MEOX2: variants seen among roughly 807,000 people sequenced by gnomAD.
MEOX2 encodes mesenchyme homeobox 2, also known as homeobox protein MOX-2.
MEOX2 carries 11 observed loss-of-function variants against 27.0 expected under a neutral mutation model. The observed-to-expected ratio is 0.41, with a 90% CI of 0.26 to 0.68. The LOEUF (loss-of-function observed/expected upper bound fraction) is 0.68, where lower values mean the gene tolerates loss of function less well. Among genes scored for constraint, MEOX2 ranks in the 30% least tolerant of loss-of-function variants. The pLI, the probability that MEOX2 is intolerant of heterozygous loss-of-function variation, is 0.33. For missense variants in MEOX2, 436 were observed against 385.4 expected, an observed-to-expected ratio of 1.13 and a Z score of -1.10; for synonymous variants, 189 against 155.4, an observed-to-expected ratio of 1.22 and a Z score of -1.61.
At chr7:15,679,011 T>C (rs1024638290) in intron 1 of MEOX2, 7 of 152,206 alleles carry the variant, frequency 4.6e-5, no homozygotes, top group African/African-American at 1.2e-4. Flanking sequence ...ATAACTATCA[T>C]TGATTGCCAG....
intron 1 of MEOX2, among the ~76,000 whole-genome samples, chr7:15,664,662 C>T (rs1196616713): frequency 6.6e-6 from 1 of 152,104 alleles, no homozygotes; most frequent in Non-Finnish European, 1.5e-5. Context: ...CACAACCCTC[C>T]AGCTATAATT....
chr7:15,655,939 G>A (rs1040907077), intron 1 of MEOX2, among the ~76,000 whole-genome samples: 2 of 151,688 alleles, frequency 1.3e-5, no homozygotes, highest in African/African-American at 4.8e-5. Context: ...TCGATTGAGA[G>A]AGGGATATTA....
At chr7:15,614,118 T>A (rs114077391) in intron 2 of MEOX2, among the ~76,000 whole-genome samples, 9,311 of 151,266 alleles carry the variant, frequency 0.062, 345 homozygotes, top group Non-Finnish European at 0.07. Flanking sequence ...CTGAAGCCAG[T>A]AAGATATTCT....
At chr7:15,674,556 CTGTG>C (rs55995772) in intron 1 of MEOX2, among the ~76,000 whole-genome samples, 101 of 135,624 alleles carry the variant, frequency 7.4e-4, no homozygotes, top group Middle Eastern at 6.9e-3. Flanking sequence ...ATAAAAGATT[CTGTG>C]TGTGTGTGTG....
chr7:15,676,234 C>T (rs557876303), intron 1 of MEOX2: 3 of 152,182 alleles, frequency 2.0e-5, no homozygotes, highest in African/African-American at 7.2e-5. Context: ...TGTGAACAAA[C>T]AAATAATTAA....
intron 1 of MEOX2, among the ~76,000 whole-genome samples, chr7:15,672,801 A>G (rs1325217942): frequency 2.0e-5 from 3 of 152,012 alleles, no homozygotes; most frequent in Non-Finnish European, 4.4e-5. Context: ...CTGAGGCAGG[A>G]GAATTGCTTT....
intron 1 of MEOX2, among the ~76,000 whole-genome samples, chr7:15,638,642 TC>T (rs1426738975): frequency 6.6e-6 from 1 of 152,012 alleles, no homozygotes; most frequent in Non-Finnish European, 1.5e-5. Context: ...CTTCTCTCTC[TC>T]CCCTTTTGGA....
intron 1 of MEOX2, among the ~76,000 whole-genome samples, chr7:15,646,550 T>G (rs1197232115): frequency 6.6e-6 from 1 of 152,062 alleles, no homozygotes; most frequent in Non-Finnish European, 1.5e-5. Context: ...AAATATTAGT[T>G]GTTTGATTAT....
chr7:15,645,115 G>T (rs1434669131), intron 1 of MEOX2, among the ~76,000 whole-genome samples: 1 of 152,184 alleles, frequency 6.6e-6, no homozygotes, highest in Non-Finnish European at 1.5e-5. Context: ...TCAATGACTA[G>T]ACAGCAGTAT....
chr7:15,671,223 C>T (rs1562613826), intron 1 of MEOX2, among the ~76,000 whole-genome samples: 1 of 152,050 alleles, frequency 6.6e-6, no homozygotes. Flanking sequence ...TCCAATGTAA[C>T]ATCAGTGTTG....
At chr7:15,685,757 G>A (rs943825561) in intron 1 of MEOX2, 129 bp downstream of exon 1, 6 of 1,329,238 alleles carry the variant, frequency 4.5e-6, no homozygotes, top group Middle Eastern at 2.7e-4. Context: ...TTGGCCGCAG[G>A]AAGCCACAGA....
At chr7:15,620,999 G>A (rs769774245) in intron 2 of MEOX2, among the ~76,000 whole-genome samples, 5 of 151,996 alleles carry the variant, frequency 3.3e-5, no homozygotes, top group Non-Finnish European at 5.9e-5. Context: ...GCTTTCTCTC[G>A]TCTTCCCACT....
chr7:15,619,118 A>T (rs907723495), intron 2 of MEOX2, among the ~76,000 whole-genome samples: 1 of 152,038 alleles, frequency 6.6e-6, no homozygotes, highest in Non-Finnish European at 1.5e-5. Flanking sequence ...CACAGAACAT[A>T]TGTATGTACT....
chr7:15,621,145 C>T (rs1342216466), intron 2 of MEOX2, among the ~76,000 whole-genome samples: 2 of 152,144 alleles, frequency 1.3e-5, no homozygotes, highest in Non-Finnish European at 2.9e-5. Context: ...GCAAATCATT[C>T]GGGGTGACTC....
At chr7:15,617,428 A>G (rs558635596) in intron 2 of MEOX2, among the ~76,000 whole-genome samples, 3 of 152,196 alleles carry the variant, frequency 2.0e-5, no homozygotes, top group Admixed American at 2.0e-4. Flanking sequence ...TCCAAAGACT[A>G]GCCTAAGTAA....
intron 1 of MEOX2, among the ~76,000 whole-genome samples, chr7:15,653,926 G>A (rs1781780062): frequency 6.6e-6 from 1 of 151,854 alleles, no homozygotes; most frequent in South Asian, 2.1e-4. Context: ...ATACATTTTA[G>A]AAAATCCCAT....
intron 1 of MEOX2, chr7:15,680,066 T>G (rs748434792): frequency 3.3e-5 from 5 of 151,966 alleles, no homozygotes; most frequent in African/African-American, 9.6e-5. Context: ...ATTCCGGAAA[T>G]TATATATCAA....
intron 1 of MEOX2, among the ~76,000 whole-genome samples, chr7:15,629,390 G>A (rs1781364347): frequency 6.6e-6 from 1 of 152,200 alleles, no homozygotes; most frequent in South Asian, 2.1e-4. Flanking sequence ...AAATCTGGCT[G>A]TAGTTCAATA....
At chr7:15,635,053 TTTAA>T (rs1781459904) in intron 1 of MEOX2, among the ~76,000 whole-genome samples, 1 of 152,018 alleles carries the variant, frequency 6.6e-6, no homozygotes, top group Non-Finnish European at 1.5e-5. Context: ...ATCCATATCA[TTTAA>T]TTAAATACTG....
Sources: gnomAD v4.1 joint callset for allele counts (sites outside exome capture counted in the v4.1 genomes callset) on GRCh38, gnomAD v4.1.1 for gene constraint, MANE v1.5 for transcripts, NCBI Gene and HGNC (gene_info 2026-07-23, HGNC 2026-07-21) for gene names.